Variants in SCCPDH observed in about 807,000 individuals in gnomAD.
SCCPDH encodes saccharopine dehydrogenase-like oxidoreductase.
In SCCPDH, 34 loss-of-function variants were observed where a neutral mutation model predicts 51.5. The ratio of observed to expected loss-of-function variants is 0.66; its 90% CI spans 0.50 to 0.88. The LOEUF is 0.88. SCCPDH is among the 40% of genes least tolerant of loss of function. The pLI is 0.00. For missense variants in SCCPDH, 464 were observed against 527.1 expected (o/e 0.88, Z 1.17); for synonymous variants, 187 against 191.3 (o/e 0.98, Z 0.19).
chr1:246,756,838 G>C (rs1331850025), intron 5 of SCCPDH, among the ~76,000 whole-genome samples: 1 of 152,194 alleles, frequency 6.6e-6, no homozygotes, highest in Non-Finnish European at 1.5e-5. Context: ...TATTAACAAT[G>C]AAAGGTACCT....
intron 2 of SCCPDH, among the ~76,000 whole-genome samples, chr1:246,734,499 G>T (rs1305551945): frequency 6.6e-6 from 1 of 152,170 alleles, no homozygotes; most frequent in Non-Finnish European, 1.5e-5. Context: ...TGCCTCAGAA[G>T]TAGAGTTCTT....
At position 246,744,325 on chromosome 1, in the gene SCCPDH, T is replaced by C. The variant is rs542300643; in HGVS notation, c.564+200T>C. On this transcript the variant is annotated intron_variant, in intron 5 of 11. Transcript: ENST00000366510. ...TTTATTTTATTTTATTTTATTTATTTATTTATTTTTGAGATGGAGTTACGC... is the reference window on the plus strand; with the variant it reads ...TTTATTTTATTTTATTTTATTTATTCATTTATTTTTGAGATGGAGTTACGC... 9.9e-5 allele frequency among the ~76,000 whole-genome samples: 15 copies of C among 152,094 alleles called. No homozygotes were observed. The South Asian group carries it at 3.1e-3, about 32-fold the overall frequency.
chr1:246,735,848 T>G lies in SCCPDH; in HGVS notation c.304-127T>G, dbSNP rs1668559032. The G allele has an allele frequency of 4.8e-6, 3 of 627,666 alleles. No homozygotes were observed. The East Asian group carries it at 9.0e-5, about 19-fold the overall frequency. 38.9% of individuals were successfully genotyped at this position (627,666 alleles called of 1,614,324 possible). A position where few individuals can be genotyped will look rare whatever the true frequency, so the allele number is the denominator to read the frequency against. On this transcript the variant is annotated intron_variant, in intron 2 of 11. Transcript: ENST00000366510. ...TGCCTGGCCACTTTCTGAATTTATC[T>G]TTAGGCTATTTTATTAACAGTTGAT... is the stretch of plus-strand genomic sequence containing the variant.
chr1:246,737,628 C>T (rs9426269), intron 3 of SCCPDH, among the ~76,000 whole-genome samples: 44,112 of 151,696 alleles, frequency 0.29, 7,970 homozygotes, highest in South Asian at 0.41. Context: ...GTCTCTCTCT[C>T]TCACCCAGGC....
At chr1:246,734,984 C>T (rs1668545778) in intron 2 of SCCPDH, among the ~76,000 whole-genome samples, 1 of 152,210 alleles carries the variant, frequency 6.6e-6, no homozygotes, top group Non-Finnish European at 1.5e-5. Flanking sequence ...CTCTCTTCTT[C>T]CTGTTGGTTT....
chr1:246,766,149 G>A lies in SCCPDH; in HGVS notation c.1184+10G>A, dbSNP rs147204711. 103 of 1,580,972 alleles carry A rather than the reference G, an allele frequency of 6.5e-5. 1 individual carries two copies. The African/African-American group carries it at 1.2e-3, about 18-fold the overall frequency. On this transcript the variant is annotated intron_variant, in intron 11 of 11. Transcript: ENST00000366510. ...CTCATCTGCCTAAGGCGTAAGTTTGGTTTTCTTCCAATTAGAAGATCTTTT... is the reference window on the plus strand; with the variant it reads ...CTCATCTGCCTAAGGCGTAAGTTTGATTTTCTTCCAATTAGAAGATCTTTT...
chr1:246,754,564 C>T (rs1170238662), intron 5 of SCCPDH, among the ~76,000 whole-genome samples: 6 of 152,230 alleles, frequency 3.9e-5, no homozygotes, highest in African/African-American at 1.4e-4. Context: ...GGGCTTTATT[C>T]GGCTGGGAGC....
intron 5 of SCCPDH, among the ~76,000 whole-genome samples, chr1:246,756,240 G>A (rs1668928535): frequency 6.6e-6 from 1 of 152,180 alleles, no homozygotes; most frequent in Non-Finnish European, 1.5e-5. Context: ...TTGCTTGATT[G>A]CATTTCTGTA....
Position 246,730,330 on chromosome 1 carries a change from G to A in SCCPDH, c.303+3326G>A, listed in dbSNP as rs1041540279. ...TCAGCTTCTACGTTGTCATCTTCTCGTAGTTTTCCTCCTGTCCACCAGCTT... is the reference window on the plus strand; with the variant it reads ...TCAGCTTCTACGTTGTCATCTTCTCATAGTTTTCCTCCTGTCCACCAGCTT... On this transcript the variant is annotated intron_variant, in intron 2 of 11. Coordinates refer to ENST00000366510, the MANE Select transcript of SCCPDH (RefSeq NM_016002.3). Among the ~76,000 whole-genome samples the A allele has an allele frequency of 4.6e-5, 7 of 152,132 alleles. No individual in the cohort carries two copies. The East Asian group carries it at 5.8e-4, about 13-fold the overall frequency.
chr1:246,732,450 C>T (rs916749060), intron 2 of SCCPDH, among the ~76,000 whole-genome samples: 7 of 151,498 alleles, frequency 4.6e-5, no homozygotes, highest in African/African-American at 1.2e-4. Flanking sequence ...TGCAGTGGTG[C>T]GATCTAGGCT....
In SCCPDH at chr1:246,724,583, G is replaced by A. The variant is rs1261053699; in HGVS notation, c.161G>A (p.Arg54Gln). Residue 54 changes from arginine (R) to glutamine (Q), a missense_variant, in exon 1 of 12, where the codon CGG becomes CAG. Arg to Gln is a conservative substitution (Grantham distance 43, BLOSUM62 1). Transcript: ENST00000366510. ...GGCCGCTCCCGGGAGAAGCTGCAGCGGGTGCTGGAGAAGGCGGCCCTGAAG... is the reference window on the plus strand; with the variant it reads ...GGCCGCTCCCGGGAGAAGCTGCAGCAGGTGCTGGAGAAGGCGGCCCTGAAG... The part of the protein sequence containing the change: ...VAGRSREKLQ[R>Q]VLEKAALKLG... 2.6e-6 allele frequency: 4 copies of A among 1,518,428 alleles called. No individual in the cohort carries two copies. Among genetic ancestry groups the A allele is most frequent in the Non-Finnish European group, 1.8e-6 (2 of 1,136,130 alleles). The allele number at this position is 1,518,428 out of a possible 1,614,324, so 94.1% of individuals were successfully genotyped here. A position where few individuals can be genotyped will look rare whatever the true frequency, so the allele number is the denominator to read the frequency against.
At chr1:246,724,702 G>T (rs946017670) in intron 1 of SCCPDH, 90 bp downstream of exon 1, 106 of 1,163,522 alleles carry the variant, frequency 9.1e-5, no homozygotes, top group Non-Finnish European at 1.2e-4. Flanking sequence ...GCAGGGATGC[G>T]CCCTACGTGT....
At chr1:246,761,900 C>G (rs1279402705) in intron 9 of SCCPDH, among the ~76,000 whole-genome samples, 1 of 152,212 alleles carries the variant, frequency 6.6e-6, no homozygotes, top group Non-Finnish European at 1.5e-5. Context: ...TTCTTTTGGG[C>G]ATATACTCAG....
At chr1:246,743,298 T>C (rs1271697103) in intron 4 of SCCPDH, among the ~76,000 whole-genome samples, 5 of 152,014 alleles carry the variant, frequency 3.3e-5, no homozygotes, top group South Asian at 2.1e-4. Context: ...TTTAAAAAAA[T>C]TGGGGGCCGG....
At chr1:246,732,398 T>A (rs967722323) in intron 2 of SCCPDH, among the ~76,000 whole-genome samples, 5 of 152,054 alleles carry the variant, frequency 3.3e-5, no homozygotes, top group African/African-American at 1.2e-4. Flanking sequence ...TCCAGATTTT[T>A]TTTTTTTTGA....
rs148506319 is a variant in SCCPDH, at chr1:246,732,969, C to T, written c.304-3006C>T. On this transcript the variant is annotated intron_variant, in intron 2 of 11. Coordinates refer to ENST00000366510, the MANE Select transcript of SCCPDH (RefSeq NM_016002.3). ...CTGACTTAAAGCCCACACTCTAGAC[C>T]ACTCTGCTGTTCAGCCATTTGCTCA... 5.8e-3 allele frequency among the ~76,000 whole-genome samples: 877 copies of T among 152,324 alleles called. 11 individuals are homozygous for T. Among genetic ancestry groups the T allele is most frequent in the African/African-American group, 0.02 (818 of 41,566 alleles).
At chr1:246,765,557 G>A (rs1415468035) in intron 10 of SCCPDH, among the ~76,000 whole-genome samples, 1 of 152,150 alleles carries the variant, frequency 6.6e-6, no homozygotes, top group Admixed American at 6.5e-5. Context: ...ATGTTTAGTC[G>A]TTATTCTTTA....
At chr1:246,731,752 T>G (rs1401010739) in intron 2 of SCCPDH, among the ~76,000 whole-genome samples, 2 of 152,208 alleles carry the variant, frequency 1.3e-5, no homozygotes, top group Non-Finnish European at 2.9e-5. Context: ...CTAGGGTACA[T>G]GTGCACAACA....
chr1:246,737,769 T>A (rs1287646924), intron 3 of SCCPDH, among the ~76,000 whole-genome samples: 1 of 152,070 alleles, frequency 6.6e-6, no homozygotes, highest in Non-Finnish European at 1.5e-5. Flanking sequence ...TTTTTGTATT[T>A]TTAGTAGTGA....
Sources: allele counts gnomAD v4.1 joint callset (sites outside exome capture counted in the v4.1 genomes callset), GRCh38; gene constraint gnomAD v4.1.1; transcripts MANE v1.5; gene names NCBI Gene and HGNC (gene_info 2026-07-23, HGNC 2026-07-21).